ITGA9: variants seen among roughly 807,000 people sequenced by gnomAD.
The protein encoded by ITGA9 is integrin subunit alpha 9.
A neutral mutation model predicts 127.8 loss-of-function variants in ITGA9; 56 were observed. The ratio of observed to expected loss-of-function variants is 0.44; its 90% CI spans 0.35 to 0.55. ITGA9 has a LOEUF of 0.55. Ranked by LOEUF, ITGA9 falls within the 20% of genes least tolerant of loss-of-function variation. The probability of loss-of-function intolerance (pLI) is 0.00; values close to 1 mark genes in which losing one functional copy is unlikely to be tolerated. For missense variants in ITGA9, 1,196 were observed against 1,347.1 expected (o/e 0.89, Z 1.76); for synonymous variants, 508 against 514.5 (o/e 0.99, Z 0.17).
intron 26 of ITGA9, among the ~76,000 whole-genome samples, chr3:37,800,099 G>A (rs1424285813): frequency 2.0e-5 from 3 of 152,172 alleles, no homozygotes; most frequent in Non-Finnish European, 2.9e-5. Context: ...CCCACATTCC[G>A]GGGAAGTGAC....
In ITGA9 at chr3:37,814,341, G is replaced by A. The variant is rs960995264; in HGVS notation, c.3010-4550G>A. ...AGCACTTTGGGAGGCCAAGGCAGGCGGATCATCTGAGGTCAGGAGTTCAAG... is the reference window on the plus strand; with the variant it reads ...AGCACTTTGGGAGGCCAAGGCAGGCAGATCATCTGAGGTCAGGAGTTCAAG... On this transcript the variant is annotated intron_variant, in intron 27 of 27. Transcript: ENST00000264741. The surrounding 1 kb of genome is among the most constrained non-coding windows in gnomAD (Gnocchi z 4.3). Among the ~76,000 whole-genome samples, 7 of 152,180 alleles carry A rather than the reference G, an allele frequency of 4.6e-5. No individual in the cohort carries two copies. Among genetic ancestry groups the A allele is most frequent in the Non-Finnish European group, 1.5e-5 (1 of 68,032 alleles).
intron 15 of ITGA9, among the ~76,000 whole-genome samples, chr3:37,600,173 ATTAC>A (rs1404822135): frequency 1.3e-5 from 2 of 152,204 alleles, no homozygotes. Context: ...AATTTTAGAA[ATTAC>A]TTAGTCAATA....
intron 26 of ITGA9, among the ~76,000 whole-genome samples, chr3:37,793,351 A>ATT (rs1408711800): frequency 6.6e-6 from 1 of 150,698 alleles, no homozygotes; most frequent in Non-Finnish European, 1.5e-5. Flanking sequence ...ACAAGATGAA[A>ATT]TTTTTACCCT....
At position 37,494,553 on chromosome 3, in the gene ITGA9, G is replaced by T; in HGVS notation, c.597G>T (p.Ala199=). The T allele has an allele frequency of 6.2e-7, 1 of 1,613,750 alleles. No individual in the cohort carries two copies. Among genetic ancestry groups the T allele is most frequent in the Non-Finnish European group, 8.5e-7 (1 of 1,179,668 alleles). ...EEHGSCQAGI[A]GFFTEELVVM... is the part of the protein sequence containing the mutation. ...ACGGCTCCTGCCAGGCTGGGATAGC[G>T]GGCTTCTTCACCGAGGTGGGTGTCT... Residue 199 remains alanine (A), a synonymous_variant, in exon 5 of 28, where the codon GCG becomes GCT. Coordinates refer to ENST00000264741, the MANE Select transcript of ITGA9 (RefSeq NM_002207.3).
intron 1 of ITGA9, among the ~76,000 whole-genome samples, chr3:37,458,975 T>C (rs1358436486): frequency 6.6e-6 from 1 of 152,182 alleles, no homozygotes; most frequent in Non-Finnish European, 1.5e-5. Flanking sequence ...CAGAATAAAA[T>C]GTTTTATCCC....
intron 23 of ITGA9, among the ~76,000 whole-genome samples, 177 bp from the exon 24 acceptor site, chr3:37,777,215 C>T (rs1464013405): frequency 2.0e-5 from 3 of 152,104 alleles, no homozygotes; most frequent in African/African-American, 4.8e-5. Context: ...ATTATTTGGC[C>T]CTGTTGATGC....
At chr3:37,657,718 T>C (rs11129768) in intron 17 of ITGA9, among the ~76,000 whole-genome samples, 79,929 of 151,162 alleles carry the variant, frequency 0.53, 21,627 homozygotes, top group African/African-American at 0.64. Context: ...TCTTAATTAT[T>C]TCTTGTCTTC....
chr3:37,496,943 A>G (rs1260579440), intron 5 of ITGA9, among the ~76,000 whole-genome samples: 2 of 152,218 alleles, frequency 1.3e-5, no homozygotes, highest in South Asian at 2.1e-4. Flanking sequence ...TGCACTTCAG[A>G]CATGTTTACC....
rs547212880 is a variant in ITGA9, at chr3:37,714,481, C to A, written c.2068-18231C>A. On this transcript the variant is annotated intron_variant, in intron 18 of 27. Coordinates refer to ENST00000264741, the MANE Select transcript of ITGA9 (RefSeq NM_002207.3). ...ACGGGCCCTGCAGACTTCTCAGCAT[C>A]CCCTGCTCAGAAGGGGCTCTCAGAG... is the stretch of plus-strand genomic sequence containing the variant. Among the ~76,000 whole-genome samples, 5 of 152,300 alleles carry A rather than the reference C, an allele frequency of 3.3e-5. No homozygotes were observed. In the South Asian group the frequency reaches 1.0e-3, roughly 32 times the overall value.
At chr3:37,533,908 G>T (rs1252607504) in intron 14 of ITGA9, among the ~76,000 whole-genome samples, 2 of 152,202 alleles carry the variant, frequency 1.3e-5, no homozygotes, top group Non-Finnish European at 2.9e-5. Context: ...TGGAATTGGA[G>T]ACCAAAGATG....
intron 18 of ITGA9, among the ~76,000 whole-genome samples, chr3:37,693,115 G>A (rs776830660): frequency 3.3e-5 from 5 of 152,184 alleles, no homozygotes; most frequent in Non-Finnish European, 7.3e-5. Context: ...ACAGAGCACT[G>A]TAAGCTCGTG....
intron 16 of ITGA9, among the ~76,000 whole-genome samples, chr3:37,651,666 G>C (rs1700430721): frequency 6.6e-6 from 1 of 152,156 alleles, no homozygotes; most frequent in African/African-American, 2.4e-5. Context: ...AAAGTGTGTG[G>C]AACTGTGAGA....
chr3:37,823,478 A>G lies in ITGA9; in HGVS notation c.*4489A>G, dbSNP rs1697536969. ...AAATGTCAGGTTTACAAAAACATAC[A>G]TGTTTGGAATAAAAAATGGCTGCAA... On this transcript the variant is annotated 3_prime_UTR_variant, in exon 28 of 28. Transcript: ENST00000264741. 6.6e-6 allele frequency: 1 copy of G among 152,258 alleles called. No homozygotes were observed. Among genetic ancestry groups the G allele is most frequent in the Non-Finnish European group, 1.5e-5 (1 of 68,050 alleles). 9.4% of individuals were successfully genotyped at this position (152,258 alleles called of 1,614,324 possible).
intron 18 of ITGA9, among the ~76,000 whole-genome samples, chr3:37,688,616 C>T (rs573519813): frequency 6.6e-6 from 1 of 152,270 alleles, no homozygotes; most frequent in East Asian, 1.9e-4. Flanking sequence ...TCTCCCCAGA[C>T]CCCTGGCTCA....
At chr3:37,748,143 C>A (rs1398939853) in intron 22 of ITGA9, 4 of 488,816 alleles carry the variant, frequency 8.2e-6, no homozygotes, top group African/African-American at 6.0e-5. Flanking sequence ...GGAAAGGCAC[C>A]TGATATATGT....
intron 15 of ITGA9, among the ~76,000 whole-genome samples, chr3:37,618,975 C>T (rs1302439062): frequency 6.6e-6 from 1 of 152,096 alleles, no homozygotes; most frequent in African/African-American, 2.4e-5. Flanking sequence ...TGTCCTGCAC[C>T]CACTGTCTGA....
At chr3:37,522,427 TA>T (rs1699053341) in intron 11 of ITGA9, among the ~76,000 whole-genome samples, 1 of 152,174 alleles carries the variant, frequency 6.6e-6, no homozygotes, top group East Asian at 1.9e-4. Context: ...GTGATGAACT[TA>T]ATGATGAATA....
intron 5 of ITGA9, among the ~76,000 whole-genome samples, chr3:37,502,101 G>A (rs779368511): frequency 6.6e-6 from 1 of 152,032 alleles, no homozygotes; most frequent in East Asian, 1.9e-4. Flanking sequence ...GGAACTTAGG[G>A]TTGTTGTCAG....
chr3:37,611,032 C>CA (rs565555697), intron 15 of ITGA9, among the ~76,000 whole-genome samples: 1 of 149,102 alleles, frequency 6.7e-6, no homozygotes, highest in Non-Finnish European at 1.5e-5. Flanking sequence ...AAGGGTAGAG[C>CA]AAAAAAAAAG....
Sources: gnomAD v4.1 joint callset for allele counts (sites outside exome capture counted in the v4.1 genomes callset) on GRCh38, gnomAD v4.1.1 for gene constraint, Gnocchi (gnomAD v3.1) non-coding constraint, MANE v1.5 for transcripts, NCBI Gene and HGNC (gene_info 2026-07-23, HGNC 2026-07-21) for gene names.